HECW1: variants seen among roughly 807,000 people sequenced by gnomAD.
HECW1 encodes the protein HECT, C2 and WW domain containing E3 ubiquitin protein ligase 1, also known as E3 ubiquitin-protein ligase HECW1.
HECW1 carries 61 observed loss-of-function variants against 182.3 expected under a neutral mutation model. The observed-to-expected ratio is 0.33, with a 90% CI of 0.27 to 0.41. The LOEUF is 0.41. Ranked by LOEUF, HECW1 falls within the 10% of genes least tolerant of loss-of-function variation. The pLI is 1.00. For missense variants in HECW1, 1,739 were observed against 2,108.9 expected (o/e 0.82, Z 3.44); for synonymous variants, 859 against 832.6 (o/e 1.03, Z -0.55).
At chr7:43,388,332 G>A (rs1434103490) in intron 6 of HECW1, among the ~76,000 whole-genome samples, 3 of 152,212 alleles carry the variant, frequency 2.0e-5, no homozygotes, top group Non-Finnish European at 4.4e-5. Context: ...TAGGTCAAAT[G>A]TTCAGGACAA....
chr7:43,452,492 A>T (rs1295885588), intron 12 of HECW1, among the ~76,000 whole-genome samples: 2 of 152,242 alleles, frequency 1.3e-5, no homozygotes, highest in African/African-American at 4.8e-5. Context: ...GAATCCTACC[A>T]ACTGAATATT....
At chr7:43,327,986 T>TATTATC (rs1175511724) in intron 5 of HECW1, among the ~76,000 whole-genome samples, 2 of 149,134 alleles carry the variant, frequency 1.3e-5, no homozygotes, top group East Asian at 3.9e-4. Context: ...TTATTATTAT[T>TATTATC]ATTATCATTA....
intron 3 of HECW1, among the ~76,000 whole-genome samples, chr7:43,310,037 G>C (rs1052372327): frequency 6.6e-6 from 1 of 152,216 alleles, no homozygotes; most frequent in Non-Finnish European, 1.5e-5. Context: ...TAGACCCACA[G>C]CTGGGAAGCT....
chr7:43,239,978 C>T (rs1480736770), intron 2 of HECW1: 2 of 152,166 alleles, frequency 1.3e-5, no homozygotes, highest in Admixed American at 6.5e-5. Flanking sequence ...TATTGTTTGT[C>T]GTCCGTATGG....
In HECW1 at chr7:43,311,593, G is replaced by T. The variant is rs745919369; in HGVS notation, c.28-170G>T. The T allele has an allele frequency of 3.9e-6, 3 of 774,588 alleles. No homozygotes were observed. In the Admixed American group the frequency reaches 5.1e-5, roughly 13 times the overall value. The allele number at this position is 774,588 out of a possible 1,614,324, so 48.0% of individuals were successfully genotyped here. A position where few individuals can be genotyped will look rare whatever the true frequency, so the allele number is the denominator to read the frequency against. Reference sequence around the variant, plus strand: ...CTTGCTGTCCCCGTGTGAACCCAGAGCTGCAGCCTTTGTCACGAGGAAGAT... The same window carrying T: ...CTTGCTGTCCCCGTGTGAACCCAGATCTGCAGCCTTTGTCACGAGGAAGAT... On this transcript the variant is annotated intron_variant, in intron 3 of 29. Coordinates refer to ENST00000395891, the MANE Select transcript of HECW1 (RefSeq NM_015052.5).
At chr7:43,337,830 A>T (rs371422517) in intron 5 of HECW1, among the ~76,000 whole-genome samples, 1 of 152,178 alleles carries the variant, frequency 6.6e-6, no homozygotes, top group Non-Finnish European at 1.5e-5. Flanking sequence ...TTTATAGAAG[A>T]CACTCACTTG....
At chr7:43,389,473 A>G (rs1345565465) in intron 6 of HECW1, among the ~76,000 whole-genome samples, 1 of 152,202 alleles carries the variant, frequency 6.6e-6, no homozygotes, top group Admixed American at 6.5e-5. Flanking sequence ...CACTTTTAGA[A>G]CAGTCTGCAC....
intron 11 of HECW1, among the ~76,000 whole-genome samples, chr7:43,447,114 T>C (rs1471251502): frequency 2.0e-5 from 3 of 152,150 alleles, no homozygotes; most frequent in Non-Finnish European, 2.9e-5. Flanking sequence ...AGTAAATACT[T>C]TAGGCTTTGT....
intron 5 of HECW1, among the ~76,000 whole-genome samples, chr7:43,336,310 C>T (rs1466801118): frequency 6.6e-6 from 1 of 151,630 alleles, no homozygotes; most frequent in Non-Finnish European, 1.5e-5. Context: ...GGACCACACT[C>T]ACACACCACC....
At position 43,477,516 on chromosome 7, in the gene HECW1, A is replaced by G. The variant is rs2078263353; in HGVS notation, c.3100-2094A>G. ...CCCATTCCCATTTAAGTCTCATTCCATTTCCTTGTATTTTTGACGTCACTA... is the reference window on the plus strand; with the variant it reads ...CCCATTCCCATTTAAGTCTCATTCCGTTTCCTTGTATTTTTGACGTCACTA... On this transcript the variant is annotated intron_variant, in intron 16 of 29. Transcript: ENST00000395891. Among the ~76,000 whole-genome samples the G allele has an allele frequency of 2.0e-5, 3 of 152,096 alleles. No homozygotes were observed. The South Asian group carries it at 6.2e-4, about 32-fold the overall frequency.
intron 3 of HECW1, among the ~76,000 whole-genome samples, chr7:43,293,219 C>CAAAAAAAAAAAAAA (rs34748611): frequency 1.3e-5 from 1 of 76,588 alleles, no homozygotes; most frequent in Non-Finnish European, 2.9e-5. Flanking sequence ...GACTATGTCT[C>CAAAAAAAAAAAAAA]AAAAAAAAAA....
At chr7:43,147,737 T>G (rs1788868197) in intron 2 of HECW1, among the ~76,000 whole-genome samples, 1 of 152,132 alleles carries the variant, frequency 6.6e-6, no homozygotes, top group South Asian at 2.1e-4. Flanking sequence ...TGTTTCAAGT[T>G]GTGTGTATCA....
chr7:43,292,711 G>T, intron 3 of HECW1, among the ~76,000 whole-genome samples: 1 of 152,108 alleles, frequency 6.6e-6, no homozygotes, highest in African/African-American at 2.4e-5. Context: ...CCAGCACCCG[G>T]GGCTCTTCTC....
At chr7:43,395,349 GT>G (rs1433936329) in intron 6 of HECW1, among the ~76,000 whole-genome samples, 1 of 152,186 alleles carries the variant, frequency 6.6e-6, no homozygotes, top group Non-Finnish European at 1.5e-5. Context: ...CAGCTTGGAG[GT>G]TAGAAGCAAG....
rs779208014 is a variant in HECW1, at chr7:43,444,687, G to A, written c.1515G>A (p.Glu505=). ...SRAGREEEEK[E]QEEEGDVSTL... is the part of the protein sequence containing the mutation. ...CTGGAAGGGAAGAAGAGGAGAAGGA[G>A]CAGGAGGAGGAGGGAGATGTGTCTA... The change falls in exon 11 of 30, where the codon GAG becomes GAA. Residue 505 remains glutamate, a synonymous_variant. Transcript: ENST00000395891. The surrounding 1 kb of genome is among the most constrained non-coding windows in gnomAD (Gnocchi z 4.3). 1 of 1,606,850 alleles carries A rather than the reference G, an allele frequency of 6.2e-7. No individual in the cohort carries two copies. The highest frequency in any genetic ancestry group is 1.1e-5 in the South Asian group (1 of 90,112).
intron 2 of HECW1, among the ~76,000 whole-genome samples, chr7:43,134,251 G>A (rs937272592): frequency 7.2e-5 from 11 of 151,888 alleles, no homozygotes; most frequent in East Asian, 3.9e-4. Context: ...AAAAGTAGCC[G>A]GGCGTGGTGG....
rs79055107 is a variant in HECW1 at position 43,351,425 on chromosome 7, T to A, written c.461-9461T>A. 2.4e-4 allele frequency among the ~76,000 whole-genome samples: 36 copies of A among 152,174 alleles called. 1 individual carries two copies. The highest frequency in any genetic ancestry group is 8.7e-4 in the African/African-American group (36 of 41,524). ...CCAGTGGTGGGCGATGCCTTAGAACTCTCAAGATTATATGCCCTTTATCTT... is the reference window on the plus strand; with the variant it reads ...CCAGTGGTGGGCGATGCCTTAGAACACTCAAGATTATATGCCCTTTATCTT... On this transcript the variant is annotated intron_variant, in intron 5 of 29. Transcript: ENST00000395891.
In HECW1 at chr7:43,198,870, T is replaced by A. The variant is rs376567467; in HGVS notation, c.-31-45005T>A. Reference sequence around the variant, plus strand: ...GGCCATGTTCTTCTCCCAGGAGAACTGGTGAAGTAGGAAGCACCCTCTCCA... The same window carrying A: ...GGCCATGTTCTTCTCCCAGGAGAACAGGTGAAGTAGGAAGCACCCTCTCCA... On this transcript the variant is annotated intron_variant, in intron 2 of 29. Transcript: ENST00000395891. Among the ~76,000 whole-genome samples the A allele has an allele frequency of 1.3e-4, 20 of 152,300 alleles. No homozygotes were observed. In the East Asian group the frequency reaches 3.1e-3, roughly 23 times the overall value.
intron 27 of HECW1, among the ~76,000 whole-genome samples, chr7:43,551,277 A>T (rs2081815987): frequency 6.6e-6 from 1 of 152,108 alleles, no homozygotes; most frequent in African/African-American, 2.4e-5. Flanking sequence ...AGAATGCAGA[A>T]CCCTAACAAA....
Sources: gnomAD v4.1 joint callset for allele counts (sites outside exome capture counted in the v4.1 genomes callset) on GRCh38, gnomAD v4.1.1 for gene constraint, Gnocchi (gnomAD v3.1) non-coding constraint, MANE v1.5 for transcripts, NCBI Gene and HGNC (gene_info 2026-07-23, HGNC 2026-07-21) for gene names.